The following PTPRM variants were observed in gnomAD, a reference collection of about 807,000 sequenced individuals.
The protein encoded by PTPRM is receptor-type tyrosine-protein phosphatase mu.
Under a neutral mutation model 186.7 loss-of-function variants are expected in PTPRM, and 47 were observed. The ratio of observed to expected loss-of-function variants is 0.25; its 90% CI spans 0.20 to 0.32. PTPRM has a LOEUF of 0.32. PTPRM is among the 10% of genes least tolerant of loss of function. PTPRM has a pLI of 1.00. For missense variants in PTPRM, 1,494 were observed against 1,865.0 expected (o/e 0.80, Z 3.66); for synonymous variants, 668 against 674.9 (o/e 0.99, Z 0.16).
intron 13 of PTPRM, among the ~76,000 whole-genome samples, chr18:8,115,103 T>C (rs2145730862): frequency 6.6e-6 from 1 of 152,326 alleles, no homozygotes; most frequent in African/African-American, 2.4e-5. Context: ...TTTTTTCAAA[T>C]GACTTTAATT....
At chr18:8,252,376 A>G in intron 17 of PTPRM, 112 bp from the exon 18 acceptor site, 3 of 924,546 alleles carry the variant, frequency 3.2e-6, no homozygotes, top group Middle Eastern at 2.1e-4. Flanking sequence ...ACTTAACTGG[A>G]AAGTTAAAGC....
At chr18:7,850,706 A>G (rs1489014674) in intron 2 of PTPRM, among the ~76,000 whole-genome samples, 1 of 152,220 alleles carries the variant, frequency 6.6e-6, no homozygotes, top group African/African-American at 2.4e-5. Flanking sequence ...ACTAGAAAGA[A>G]GTAATCTGTT....
At chr18:7,905,847 A>T (rs943958098) in intron 3 of PTPRM, among the ~76,000 whole-genome samples, 1 of 152,134 alleles carries the variant, frequency 6.6e-6, no homozygotes, top group Non-Finnish European at 1.5e-5. Flanking sequence ...ACTACCCCAC[A>T]TGGTCCAGTG....
chr18:7,731,149 A>T (rs1039024096), intron 1 of PTPRM, among the ~76,000 whole-genome samples: 1 of 152,206 alleles, frequency 6.6e-6, no homozygotes, highest in Non-Finnish European at 1.5e-5. Flanking sequence ...AGAGAACAGC[A>T]CTTCTTCATC....
chr18:7,803,877 ACCCGAAATC>A (rs1453308525), intron 2 of PTPRM, among the ~76,000 whole-genome samples: 1 of 152,192 alleles, frequency 6.6e-6, no homozygotes, highest in East Asian at 1.9e-4. Flanking sequence ...TCGGAGCTTA[ACCCGAAATC>A]TGAGATAGTA....
At chr18:8,285,003 G>A (rs1008294399) in intron 19 of PTPRM, among the ~76,000 whole-genome samples, 3 of 152,186 alleles carry the variant, frequency 2.0e-5, no homozygotes, top group African/African-American at 4.8e-5. Flanking sequence ...GCTGGGTGCT[G>A]AGGATGTGGA....
At chr18:7,745,462 T>C (rs2040966985) in intron 1 of PTPRM, among the ~76,000 whole-genome samples, 1 of 152,170 alleles carries the variant, frequency 6.6e-6, no homozygotes, top group Non-Finnish European at 1.5e-5. Flanking sequence ...ACTCACAGGC[T>C]CTGGGAGAGG....
chr18:7,939,830 C>T (rs866429220), intron 5 of PTPRM, among the ~76,000 whole-genome samples: 9 of 152,152 alleles, frequency 5.9e-5, no homozygotes, highest in Non-Finnish European at 1.2e-4. Flanking sequence ...CCTTCTGTCA[C>T]GCTATTAAGA....
Position 8,343,444 on chromosome 18 carries a change from A to G in PTPRM, c.2978A>G (p.Tyr993Cys), listed in dbSNP as rs769612880. 7 of 1,613,928 alleles carry G rather than the reference A, an allele frequency of 4.3e-6. No homozygotes were observed. Among genetic ancestry groups the G allele is most frequent in the Middle Eastern group, 1.7e-4 (1 of 6,060 alleles). ...ATQGPMQETI[Y>C]DFWRMVWHEN... ...GCAGGGCCAATGCAGGAAACCATCT[A>G]TGACTTCTGGAGGATGGTGTGGCAC... Residue 993 changes from tyrosine (Y) to cysteine (C), a missense_variant, in exon 23 of 33, where the codon TAT (tyrosine) becomes TGT (cysteine). Physicochemically the swap from Tyr to Cys is radical, Grantham distance 194. Transcript: ENST00000580170.
intron 2 of PTPRM, among the ~76,000 whole-genome samples, chr18:7,806,205 G>A (rs1160249027): frequency 1.3e-5 from 2 of 152,144 alleles, no homozygotes; most frequent in Non-Finnish European, 2.9e-5. Flanking sequence ...GAAGAACCAA[G>A]CTCAGGAACT....
At chr18:7,933,478 C>CCTCCTT (rs2051609304) in intron 5 of PTPRM, among the ~76,000 whole-genome samples, 2 of 151,342 alleles carry the variant, frequency 1.3e-5, no homozygotes, top group South Asian at 4.2e-4. Flanking sequence ...TTTGTGTGTG[C>CCTCCTT]AAGACATGAC....
intron 2 of PTPRM, among the ~76,000 whole-genome samples, chr18:7,823,295 A>G (rs919204434): frequency 1.2e-4 from 19 of 152,320 alleles, no homozygotes; most frequent in African/African-American, 4.1e-4. Flanking sequence ...GTACAGACTA[A>G]GAAAACAGAA....
intron 1 of PTPRM, among the ~76,000 whole-genome samples, chr18:7,622,567 T>A (rs2037966415): frequency 6.6e-6 from 1 of 152,068 alleles, no homozygotes; most frequent in African/African-American, 2.4e-5. Context: ...CTTGGGATGG[T>A]GCTGAAATTT....
chr18:7,848,171 C>T (rs1186275666), intron 2 of PTPRM, among the ~76,000 whole-genome samples: 4 of 152,104 alleles, frequency 2.6e-5, no homozygotes, highest in Non-Finnish European at 4.4e-5. Flanking sequence ...ATCCTTGCTG[C>T]CTATGGGAGG....
chr18:8,124,986 G>A (rs1179694423), intron 13 of PTPRM, among the ~76,000 whole-genome samples: 1 of 152,036 alleles, frequency 6.6e-6, no homozygotes, highest in Non-Finnish European at 1.5e-5. Context: ...GGTGCTTGCT[G>A]GTTAGGTTTC....
intron 1 of PTPRM, among the ~76,000 whole-genome samples, chr18:7,763,605 T>C (rs73939363): frequency 0.073 from 11,070 of 152,194 alleles, 1,159 homozygotes; most frequent in African/African-American, 0.23. Flanking sequence ...GAAGTTCTCC[T>C]CATGATAGGA....
chr18:7,721,313 A>AAGTCC (rs1372595872), intron 1 of PTPRM, among the ~76,000 whole-genome samples: 5 of 151,742 alleles, frequency 3.3e-5, no homozygotes, highest in African/African-American at 1.2e-4. Context: ...GCTATTTTAT[A>AAGTCC]ATTGGATTTT....
chr18:7,851,526 A>G (rs1046667211), intron 2 of PTPRM, among the ~76,000 whole-genome samples: 2 of 152,216 alleles, frequency 1.3e-5, no homozygotes, highest in African/African-American at 2.4e-5. Flanking sequence ...AATGGAAGCT[A>G]CAAGACAGTG....
At chr18:8,148,664 G>C (rs992664458) in intron 14 of PTPRM, among the ~76,000 whole-genome samples, 1 of 151,962 alleles carries the variant, frequency 6.6e-6, no homozygotes, top group African/African-American at 2.4e-5. Flanking sequence ...GTTCTGCTCT[G>C]ATCTTAGTTA....
Sources: gnomAD v4.1 joint callset for allele counts (sites outside exome capture counted in the v4.1 genomes callset) on GRCh38, gnomAD v4.1.1 for gene constraint, MANE v1.5 for transcripts, NCBI Gene and HGNC (gene_info 2026-07-23, HGNC 2026-07-21) for gene names.